TMEM64: variants seen among roughly 807,000 people sequenced by gnomAD.
The protein encoded by TMEM64 is transmembrane protein 64.
TMEM64 carries 19 observed loss-of-function variants against 24.5 expected under a neutral mutation model. The observed-to-expected ratio is 0.78, with a 90% CI of 0.54 to 1.14. TMEM64 has a LOEUF of 1.14. Ranked by LOEUF, TMEM64 falls within the 50% of genes most tolerant of loss-of-function variation. TMEM64 has a pLI of 0.00. For missense variants in TMEM64, 487 were observed against 493.0 expected (o/e 0.99, Z 0.12); for synonymous variants, 262 against 224.7 (o/e 1.17, Z -1.49).
In TMEM64 at chr8:90,625,772, T is replaced by G; in HGVS notation, c.1042A>C (p.Lys348Gln). The stretch of plus-strand genomic sequence containing the variant: ...TGATTGCCTTTAACCAGAGAAGATT[T>G]CAGTTCCATTTCACAAGCTACAATA... ...AAIVACEMELKSSLVKGNQPN... is the reference protein window; with the variant it reads ...AAIVACEMELQSSLVKGNQPN... The change falls in exon 3 of 3, where the codon AAA becomes CAA. Residue 348 changes from lysine (K) to glutamine (Q), a missense_variant. Coordinates refer to ENST00000458549, the MANE Select transcript of TMEM64 (RefSeq NM_001008495.4). 6.2e-7 allele frequency: 1 copy of G among 1,613,984 alleles called. No homozygotes were observed. Among genetic ancestry groups the G allele is most frequent in the Non-Finnish European group, 8.5e-7 (1 of 1,179,924 alleles).
Position 90,622,705 on chromosome 8 carries a change from G to C in TMEM64, c.*2966C>G, listed in dbSNP as rs1809299717. 6.6e-6 allele frequency: 1 copy of C among 152,192 alleles called. No individual in the cohort carries two copies. The allele number at this position is 152,192 out of a possible 1,614,324, so 9.4% of individuals were successfully genotyped here. A position where few individuals can be genotyped will look rare whatever the true frequency, so the allele number is the denominator to read the frequency against. ...ACTTAGTTACAACAAGGGGAAATAA[G>C]AGTAACTAATGAACTTAATAGCTTC... On this transcript the variant is annotated 3_prime_UTR_variant, in exon 3 of 3. Transcript: ENST00000458549.
chr8:90,644,965 C>T, intron 1 of TMEM64, 146 bp downstream of exon 1: 1 of 899,026 alleles, frequency 1.1e-6, no homozygotes, highest in Non-Finnish European at 1.7e-6. Flanking sequence ...ACAGACTTCC[C>T]AGGCTGCGAT....
At chr8:90,633,929 C>T (rs1451460912) in intron 1 of TMEM64, among the ~76,000 whole-genome samples, 13 of 152,082 alleles carry the variant, frequency 8.5e-5, no homozygotes, top group South Asian at 4.2e-4. Flanking sequence ...ATATAGTTTT[C>T]GCTAAAGTGT....
At position 90,624,133 on chromosome 8, in the gene TMEM64, G is replaced by A. The variant is rs1199367098; in HGVS notation, c.*1538C>T. ...ATGAACTTTACTGTTACTCAAAGGTGAGAAAACTTACCCATTATAAAGGAA... is the reference window on the plus strand; with the variant it reads ...ATGAACTTTACTGTTACTCAAAGGTAAGAAAACTTACCCATTATAAAGGAA... On this transcript the variant is annotated 3_prime_UTR_variant, in exon 3 of 3. Coordinates refer to ENST00000458549, the MANE Select transcript of TMEM64 (RefSeq NM_001008495.4). 6.6e-6 allele frequency: 1 copy of A among 151,946 alleles called. No homozygotes were observed. Among genetic ancestry groups the A allele is most frequent in the East Asian group, 1.9e-4 (1 of 5,194 alleles). 9.4% of individuals were successfully genotyped at this position (151,946 alleles called of 1,614,324 possible). A position where few individuals can be genotyped will look rare whatever the true frequency, so the allele number is the denominator to read the frequency against.
chr8:90,640,059 G>A (rs1809581540), intron 1 of TMEM64, among the ~76,000 whole-genome samples: 1 of 152,210 alleles, frequency 6.6e-6, no homozygotes, highest in Admixed American at 6.5e-5. Context: ...ACTGCATTCA[G>A]TGGTATTGTG....
chr8:90,634,623 T>C (rs115987767), intron 1 of TMEM64, among the ~76,000 whole-genome samples: 1,836 of 152,310 alleles, frequency 0.012, 33 homozygotes, highest in African/African-American at 0.041. Context: ...AATTTTTCTA[T>C]AATTACTCAA....
chr8:90,625,853 T>C lies in TMEM64; in HGVS notation c.961A>G (p.Ser321Gly), dbSNP rs1170220397. ...YFVFCLQIII[S>G]IGLMFYVVHR... is the part of the protein sequence containing the mutation. ...ACTACATAAAACATGAGGCCTATACTTATAATAATCTGTGAATAAAAATAA... is the reference window on the plus strand; with the variant it reads ...ACTACATAAAACATGAGGCCTATACCTATAATAATCTGTGAATAAAAATAA... Residue 321 changes from serine (S) to glycine (G), a missense_variant, in exon 3 of 3, where the codon AGT becomes GGT. Around this residue, in one of 3 missense-constraint regions of TMEM64, gnomAD observed 10 missense variants for 27.3 expected, o/e 0.37. Transcript: ENST00000458549. 1 of 1,584,558 alleles carries C rather than the reference T, an allele frequency of 6.3e-7. No individual in the cohort carries two copies.
In TMEM64 at chr8:90,641,571, G is replaced by A. The variant is rs542868478; in HGVS notation, c.795+3540C>T. Among the ~76,000 whole-genome samples, 29 of 152,224 alleles carry A rather than the reference G, an allele frequency of 1.9e-4. No individual in the cohort carries two copies. In the South Asian group the frequency reaches 5.6e-3, roughly 29 times the overall value. ...TATAACTGGAATCAGGATGTGTCTGGGAAATCCAGCTCTTCTTGGACCAAC... is the reference window on the plus strand; with the variant it reads ...TATAACTGGAATCAGGATGTGTCTGAGAAATCCAGCTCTTCTTGGACCAAC... On this transcript the variant is annotated intron_variant, in intron 1 of 2. Transcript: ENST00000458549.
In TMEM64 at chr8:90,645,733, G is replaced by C; in HGVS notation, c.173C>G (p.Ala58Gly). Residue 58 changes from alanine (A) to glycine (G), a missense_variant, in exon 1 of 3, where the codon GCA (alanine) becomes GGA (glycine). Ala to Gly is a moderately conservative substitution (Grantham distance 60, BLOSUM62 0). This residue lies in a region of TMEM64 where 419 missense variants were observed against 407.5 expected (regional missense o/e 1.03). Coordinates refer to ENST00000458549, the MANE Select transcript of TMEM64 (RefSeq NM_001008495.4). The surrounding 1 kb of genome is among the most constrained non-coding windows in gnomAD (Gnocchi z 4.2). The part of the protein sequence containing the change: ...RGGGASAAAA[A>G]AAASGALLGA... Reference sequence around the variant, plus strand: ...GAGCAGGGCGCCCGAGGCCGCCGCTGCTGCCGCCGCCGCGCTCGCCCCGCC... The same window carrying C: ...GAGCAGGGCGCCCGAGGCCGCCGCTCCTGCCGCCGCCGCGCTCGCCCCGCC... The C allele has an allele frequency of 8.7e-7, 1 of 1,152,280 alleles. No individual in the cohort carries two copies. The highest frequency in any genetic ancestry group is 4.2e-5 in the South Asian group (1 of 23,752). The allele number at this position is 1,152,280 out of a possible 1,614,324, so 71.4% of individuals were successfully genotyped here.
chr8:90,639,964 A>C, intron 1 of TMEM64, among the ~76,000 whole-genome samples: 1 of 152,202 alleles, frequency 6.6e-6, no homozygotes, highest in East Asian at 1.9e-4. Context: ...TTGTAAGCCT[A>C]CATATGACAC....
chr8:90,642,126 C>A (rs1331425333), intron 1 of TMEM64, among the ~76,000 whole-genome samples: 1 of 152,192 alleles, frequency 6.6e-6, no homozygotes, highest in African/African-American at 2.4e-5. Context: ...AATGTGAATA[C>A]AACTACCTCC....
chr8:90,631,780 TTAAGTC>T (rs1809443973), intron 1 of TMEM64, 73 bp from the exon 2 acceptor site: 2 of 1,371,470 alleles, frequency 1.5e-6, no homozygotes, highest in African/African-American at 2.8e-5. Flanking sequence ...AATGTGTGTA[TTAAGTC>T]TAACTAGTGG....
chr8:90,631,764 T>TA (rs1023315438), intron 1 of TMEM64, 57 bp from the exon 2 acceptor site: 22 of 1,477,412 alleles, frequency 1.5e-5, no homozygotes, highest in Admixed American at 1.7e-5. Flanking sequence ...CAATTCAACA[T>TA]AAAAAAATGT....
chr8:90,645,035 A>T lies in TMEM64; in HGVS notation c.795+76T>A. 1 of 1,441,912 alleles carries T rather than the reference A, an allele frequency of 6.9e-7. No individual in the cohort carries two copies. The highest frequency in any genetic ancestry group is 1.3e-5 in the South Asian group (1 of 75,370). 89.3% of individuals were successfully genotyped at this position (1,441,912 alleles called of 1,614,324 possible). A position where few individuals can be genotyped will look rare whatever the true frequency, so the allele number is the denominator to read the frequency against. On this transcript the variant is annotated intron_variant, in intron 1 of 2. Coordinates refer to ENST00000458549, the MANE Select transcript of TMEM64 (RefSeq NM_001008495.4). This position sits in a 1 kb window ranked among gnomAD's most constrained non-coding sequence, Gnocchi z 4.2. ...TTCTCTGCTGGTATTTATCTGATAGAGCGCCCTCCTAGGGCCGCCACAAGA... is the reference window on the plus strand; with the variant it reads ...TTCTCTGCTGGTATTTATCTGATAGTGCGCCCTCCTAGGGCCGCCACAAGA...
chr8:90,636,182 A>G (rs1181807543), intron 1 of TMEM64, among the ~76,000 whole-genome samples: 1 of 152,244 alleles, frequency 6.6e-6, no homozygotes, highest in Non-Finnish European at 1.5e-5. Flanking sequence ...ACAGTAACAT[A>G]CATATACACA....
chr8:90,637,818 C>G (rs189522077), intron 1 of TMEM64, among the ~76,000 whole-genome samples: 45 of 152,254 alleles, frequency 3.0e-4, no homozygotes, highest in African/African-American at 1.1e-3. Context: ...CTATTTTTCA[C>G]TCTCAGAAAA....
In TMEM64 at chr8:90,624,917, A is replaced by G. The variant is rs1478530707; in HGVS notation, c.*754T>C. The G allele has an allele frequency of 6.6e-6, 1 of 152,584 alleles. No individual in the cohort carries two copies. The highest frequency in any genetic ancestry group is 1.5e-5 in the Non-Finnish European group (1 of 67,988). 9.5% of individuals were successfully genotyped at this position (152,584 alleles called of 1,614,324 possible). On this transcript the variant is annotated 3_prime_UTR_variant, in exon 3 of 3. Transcript: ENST00000458549. Reference sequence around the variant, plus strand: ...GGGACAGCCCTTTGATGAAAAATCTAAGGAGGGTAAAGCCAATGTAACTGA... The same window carrying G: ...GGGACAGCCCTTTGATGAAAAATCTGAGGAGGGTAAAGCCAATGTAACTGA...
rs1809337362 is a variant in TMEM64, at chr8:90,625,159, A to C, written c.*512T>G. On this transcript the variant is annotated 3_prime_UTR_variant, in exon 3 of 3. Transcript: ENST00000458549. ...ATTAATGTCTGTTCTTTAACTAGTA[A>C]GGAAACGGGAAGCTAAGTGGTCCCA... 1 of 152,524 alleles carries C rather than the reference A, an allele frequency of 6.6e-6. No individual in the cohort carries two copies. The highest frequency in any genetic ancestry group is 3.2e-3 in the Middle Eastern group (1 of 316). The allele number at this position is 152,524 out of a possible 1,614,324, so 9.4% of individuals were successfully genotyped here. A position where few individuals can be genotyped will look rare whatever the true frequency, so the allele number is the denominator to read the frequency against.
intron 1 of TMEM64, among the ~76,000 whole-genome samples, chr8:90,637,250 G>A (rs558654135): frequency 2.0e-5 from 3 of 152,230 alleles, no homozygotes; most frequent in South Asian, 2.1e-4. Context: ...GGTTGTGGTC[G>A]GTCCTCTTAG....
Sources: allele counts gnomAD v4.1 joint callset (sites outside exome capture counted in the v4.1 genomes callset), GRCh38; gene constraint gnomAD v4.1.1; regional missense constraint gnomAD v4.1.1; non-coding constraint Gnocchi (gnomAD v3.1); transcripts MANE v1.5; gene names NCBI Gene and HGNC (gene_info 2026-07-23, HGNC 2026-07-21).